Variants in DSG2 observed in about 807,000 individuals in gnomAD.
The protein encoded by DSG2 is desmoglein-2.
In DSG2, 45 loss-of-function variants were observed where a neutral mutation model predicts 75.6. The ratio of observed to expected loss-of-function variants is 0.60; its 90% CI spans 0.47 to 0.76. The LOEUF (loss-of-function observed/expected upper bound fraction) is 0.76. Ranked by LOEUF, DSG2 falls within the 30% of genes least tolerant of loss-of-function variation. The probability of loss-of-function intolerance (pLI) is 0.00; values close to 1 mark genes in which losing one functional copy is unlikely to be tolerated. For missense variants in DSG2, 1,267 were observed against 1,357.4 expected, an observed-to-expected ratio of 0.93 and a Z score of 1.05; for synonymous variants, 429 against 483.9, an observed-to-expected ratio of 0.89 and a Z score of 1.49.
At chr18:31,507,683 G>A (rs558383874) in intron 1 of DSG2, among the ~76,000 whole-genome samples, 16 of 152,188 alleles carry the variant, frequency 1.1e-4, no homozygotes, top group African/African-American at 4.8e-5. Context: ...GACCAGTGAT[G>A]ATGAGCTTTT....
chr18:31,498,778 T>A (rs1315901372), intron 1 of DSG2, among the ~76,000 whole-genome samples: 1 of 152,274 alleles, frequency 6.6e-6, no homozygotes, highest in South Asian at 2.1e-4. Flanking sequence ...GGAACATACT[T>A]GTATTCTTAG....
chr18:31,519,379 C>T (rs1335310136), intron 2 of DSG2, among the ~76,000 whole-genome samples: 2 of 152,022 alleles, frequency 1.3e-5, no homozygotes, highest in Non-Finnish European at 2.9e-5. Flanking sequence ...GCTTAGGCAA[C>T]ATGGTGAAAC....
chr18:31,521,031 A>AT, intron 4 of DSG2, 67 bp downstream of exon 4: 1 of 1,608,706 alleles, frequency 6.2e-7, no homozygotes, highest in Non-Finnish European at 8.5e-7. Context: ...CATTTGTTTT[A>AT]TTTTTTCATA....
At chr18:31,530,932 A>T in intron 8 of DSG2, 55 bp from the exon 9 acceptor site, 1 of 1,568,014 alleles carries the variant, frequency 6.4e-7, no homozygotes, top group Non-Finnish European at 8.8e-7. Context: ...ATGTATATGT[A>T]TACATGTCTT....
intron 1 of DSG2, among the ~76,000 whole-genome samples, chr18:31,502,260 G>A (rs1405460532): frequency 1.3e-5 from 2 of 152,022 alleles, no homozygotes; most frequent in African/African-American, 2.4e-5. Context: ...GCCCTGGGGC[G>A]GGCTCACTAC....
chr18:31,542,161 T>A, intron 13 of DSG2: 1 of 337,472 alleles, frequency 3.0e-6, no homozygotes, highest in Non-Finnish European at 5.6e-6. Flanking sequence ...AATATAGTCT[T>A]TATTTTGGGT....
rs533277936 is a variant in DSG2, at chr18:31,525,933, G to A, written c.1014+1045G>A. 4.6e-5 allele frequency among the ~76,000 whole-genome samples: 7 copies of A among 152,198 alleles called. No homozygotes were observed. In the East Asian group the frequency reaches 7.8e-4, roughly 17 times the overall value. ...CGAGGAGGGCGGATCACGAGGTCAG[G>A]AGTTCGAGACCAGCCTGGCCAACAT... is the stretch of plus-strand genomic sequence containing the variant. On this transcript the variant is annotated intron_variant, in intron 8 of 14. Transcript: ENST00000261590.
intron 8 of DSG2, among the ~76,000 whole-genome samples, chr18:31,530,219 A>G (rs2073186247): frequency 6.6e-6 from 1 of 152,194 alleles, no homozygotes; most frequent in African/African-American, 2.4e-5. Flanking sequence ...GAATTCAAGT[A>G]TTTTAATATG....
At chr18:31,507,778 T>G (rs1050010108) in intron 1 of DSG2, among the ~76,000 whole-genome samples, 5 of 152,164 alleles carry the variant, frequency 3.3e-5, no homozygotes, top group African/African-American at 1.2e-4. Context: ...GGGCTGAGTG[T>G]TTTTTTCTTG....
At position 31,525,518 on chromosome 18, in the gene DSG2, C is replaced by CA. The variant is rs142906831; in HGVS notation, c.1014+643dup. Among the ~76,000 whole-genome samples, 369 of 130,498 alleles carry CA rather than the reference C, an allele frequency of 2.8e-3. 1 individual carries two copies. The highest frequency in any genetic ancestry group is 3.8e-3 in the Non-Finnish European group (229 of 60,420). 85.6% of individuals were successfully genotyped at this position (130,498 alleles called of 152,430 possible). A position where few individuals can be genotyped will look rare whatever the true frequency, so the allele number is the denominator to read the frequency against. Reference sequence around the variant, plus strand: ...TGGGCAACAGAGTGAGACCCTGACTCAAAAAAAAAAAAACCCCGAAACAAA... The same window carrying CA: ...TGGGCAACAGAGTGAGACCCTGACTCAAAAAAAAAAAAAACCCCGAAACAAA... On this transcript the variant is annotated intron_variant, in intron 8 of 14. Coordinates refer to ENST00000261590, the MANE Select transcript of DSG2 (RefSeq NM_001943.5).
chr18:31,531,797 T>G (rs2073200643), intron 9 of DSG2, among the ~76,000 whole-genome samples: 2 of 152,234 alleles, frequency 1.3e-5, no homozygotes, highest in Non-Finnish European at 2.9e-5. Context: ...GTACATTTAT[T>G]GAGAACCTAC....
chr18:31,524,936 A>C lies in DSG2; in HGVS notation c.1014+48A>C, dbSNP rs745876776. ...TGGCGTGGGCCAAGTTGGTGCTGGA[A>C]AGGAATCTAATATATTTTGAGCCCT... On this transcript the variant is annotated intron_variant, in intron 8 of 14. Transcript: ENST00000261590. 1.9e-6 allele frequency: 3 copies of C among 1,556,312 alleles called. No individual in the cohort carries two copies. In the South Asian group the frequency reaches 3.3e-5, roughly 17 times the overall value.
chr18:31,505,048 C>A (rs1465473983), intron 1 of DSG2, among the ~76,000 whole-genome samples: 1 of 152,174 alleles, frequency 6.6e-6, no homozygotes, highest in African/African-American at 2.4e-5. Flanking sequence ...GCCAAAAAAT[C>A]TTCAGAATCA....
intron 8 of DSG2, among the ~76,000 whole-genome samples, chr18:31,528,870 G>C (rs1054434846): frequency 1.3e-5 from 2 of 152,180 alleles, no homozygotes; most frequent in African/African-American, 4.8e-5. Flanking sequence ...AGTCTGAGTG[G>C]GGACTGACTA....
Position 31,524,577 on chromosome 18 carries a change from A to G in DSG2, c.820A>G (p.Asn274Asp), listed in dbSNP as rs775464463. The G allele has an allele frequency of 1.2e-6, 2 of 1,613,838 alleles. No individual in the cohort carries two copies. The highest frequency in any genetic ancestry group is 1.7e-6 in the Non-Finnish European group (2 of 1,179,866). Residue 274 changes from asparagine (N) to aspartate (D), a missense_variant, in exon 7 of 15, where the codon AAT becomes GAT. By Grantham distance (23) the Asn-to-Asp change is conservative. Coordinates refer to ENST00000261590, the MANE Select transcript of DSG2 (RefSeq NM_001943.5). ...CAATGACAATATACCTGTAGTAGAA[A>G]ATAAAGTGGTAACTATTATTCTTCT... ...DVNDNIPVVE[N>D]KVLEGMVEEN... is the part of the protein sequence containing the mutation.
Position 31,536,358 on chromosome 18 carries a change from G to A in DSG2, c.1580G>A (p.Gly527Asp). Residue 527 changes from glycine to aspartate, a missense_variant, in exon 11 of 15, where the codon GGC becomes GAC. Physicochemically the swap from Gly to Asp is moderately conservative, Grantham distance 94. Coordinates refer to ENST00000261590, the MANE Select transcript of DSG2 (RefSeq NM_001943.5). Reference sequence around the variant, plus strand: ...GACCTGGATGGACACCCAAACAGTGGCCCTTTCAGTTTCTCCGTCATTGAC... The same window carrying A: ...GACCTGGATGGACACCCAAACAGTGACCCTTTCAGTTTCTCCGTCATTGAC... The part of the protein sequence containing the change: ...AEDLDGHPNS[G>D]PFSFSVIDKP... 1 of 1,614,160 alleles carries A rather than the reference G, an allele frequency of 6.2e-7. No homozygotes were observed. The highest frequency in any genetic ancestry group is 8.5e-7 in the Non-Finnish European group (1 of 1,180,034).
At chr18:31,517,913 G>T (rs903773930) in intron 1 of DSG2, among the ~76,000 whole-genome samples, 3 of 152,134 alleles carry the variant, frequency 2.0e-5, no homozygotes, top group South Asian at 2.1e-4. Flanking sequence ...GCAGGTCCTG[G>T]AGAACACAAG....
Position 31,524,520 on chromosome 18 carries a change from C to G in DSG2, c.763C>G (p.Gln255Glu), listed in dbSNP as rs2073149135. ...AGAAGTTACAGACAAACCTGTAAAA[C>G]AAGCTCAAGTTCAGATTCGTATTTT... Reference protein sequence around the residue: ...NGEVTDKPVKQAQVQIRILDV... With the variant: ...NGEVTDKPVKEAQVQIRILDV... The change falls in exon 7 of 15, where the codon CAA becomes GAA. Residue 255 changes from glutamine (Q) to glutamate (E), a missense_variant. Gln to Glu is a conservative substitution (Grantham distance 29). Transcript: ENST00000261590. The G allele has an allele frequency of 1.2e-6, 2 of 1,613,980 alleles. No homozygotes were observed. Among genetic ancestry groups the G allele is most frequent in the Non-Finnish European group, 1.7e-6 (2 of 1,180,000 alleles).
chr18:31,546,737 C>G lies in DSG2; in HGVS notation c.3351C>G (p.Tyr1117Ter). 1 of 1,614,078 alleles carries G rather than the reference C, an allele frequency of 6.2e-7. No individual in the cohort carries two copies. Among genetic ancestry groups the G allele is most frequent in the Non-Finnish European group, 8.5e-7 (1 of 1,179,918 alleles). The change falls in exon 15 of 15, where the codon TAC becomes TAG. Residue 1117 changes from tyrosine to a stop codon, truncating the protein, a stop_gained. Transcript: ENST00000261590. LOFTEE classifies it high-confidence loss of function. ...AGCATAGCACTGTACAGCATTCTTA[C>G]TCCTAAACAGCAGTCAGCCACAAAC... ...VTKHSTVQHS[Y>*]S
Sources: allele counts gnomAD v4.1 joint callset (sites outside exome capture counted in the v4.1 genomes callset), GRCh38; gene constraint gnomAD v4.1.1; transcripts MANE v1.5; gene names NCBI Gene and HGNC (gene_info 2026-07-23, HGNC 2026-07-21).